Variants in DMXL2 observed in about 807,000 individuals in gnomAD.
The protein encoded by DMXL2 is dmX-like protein 2.
Under a neutral mutation model 331.1 loss-of-function variants are expected in DMXL2, and 103 were observed. The observed-to-expected ratio is 0.31, with a 90% CI of 0.27 to 0.37. DMXL2 has a LOEUF of 0.37. Ranked by LOEUF, DMXL2 falls within the 10% of genes least tolerant of loss-of-function variation. DMXL2 has a pLI of 1.00. For missense variants in DMXL2, 3,171 were observed against 3,642.9 expected, an observed-to-expected ratio of 0.87 and a Z score of 3.33; for synonymous variants, 1,281 against 1,252.1, an observed-to-expected ratio of 1.02 and a Z score of -0.49.
chr15:51,591,531 C>T (rs1189367104), intron 1 of DMXL2, among the ~76,000 whole-genome samples: 1 of 152,214 alleles, frequency 6.6e-6, no homozygotes, highest in Non-Finnish European at 1.5e-5. Context: ...CAAAAGGCAG[C>T]AGAACCCTCT....
rs1596261461 is a variant in DMXL2, at chr15:51,560,574, C to G, written c.567+2807G>C. On this transcript the variant is annotated intron_variant, in intron 6 of 43. Transcript: ENST00000560891. ...TACACACCTGTATTCCCAGCTGAGG[C>G]AGGAGGACTGCCTAAGCCCAGGAGG... 4.3e-5 allele frequency among the ~76,000 whole-genome samples: 6 copies of G among 139,194 alleles called. No individual in the cohort carries two copies. In the Admixed American group the frequency reaches 4.4e-4, roughly 10 times the overall value. 91.3% of individuals were successfully genotyped at this position (139,194 alleles called of 152,430 possible). A position where few individuals can be genotyped will look rare whatever the true frequency, so the allele number is the denominator to read the frequency against.
rs2140270902 is a variant in DMXL2, at chr15:51,464,884, G to A, written c.7607-8C>T. 1 of 1,600,928 alleles carries A rather than the reference G, an allele frequency of 6.2e-7. No individual in the cohort carries two copies. The highest frequency in any genetic ancestry group is 1.3e-5 in the African/African-American group (1 of 74,522). ...GTGATGTTACAGGCAGCTCTACAAG[G>A]TGACAGAATATGTTATTTATTTTAA... On this transcript the variant is annotated splice_region_variant and splice_polypyrimidine_tract_variant and intron_variant, in intron 31 of 43. Coordinates refer to ENST00000560891, the MANE Select transcript of DMXL2 (RefSeq NM_001378457.1).
chr15:51,550,231 T>C (rs971252389), intron 6 of DMXL2, among the ~76,000 whole-genome samples: 6 of 152,244 alleles, frequency 3.9e-5, no homozygotes, highest in African/African-American at 1.4e-4. Flanking sequence ...AGCATCCCTT[T>C]ATAATTAAAA....
intron 1 of DMXL2, among the ~76,000 whole-genome samples, chr15:51,610,592 C>A (rs1314167689): frequency 1.3e-5 from 2 of 152,002 alleles, no homozygotes; most frequent in Admixed American, 1.3e-4. Flanking sequence ...CATGGTGAAA[C>A]CCCGTCTCCA....
In DMXL2 at chr15:51,463,173, A is replaced by C. The variant is rs1306054300; in HGVS notation, c.7926+206T>G. 14 of 387,840 alleles carry C rather than the reference A, an allele frequency of 3.6e-5. No individual in the cohort carries two copies. In the East Asian group the frequency reaches 8.0e-4, roughly 22 times the overall value. The allele number at this position is 387,840 out of a possible 1,614,324, so 24.0% of individuals were successfully genotyped here. ...TACCAACTTTCACTTGAATATATGT[A>C]ATTTATCAAAGTACCTATGTTGTTT... On this transcript the variant is annotated intron_variant, in intron 33 of 43. Coordinates refer to ENST00000560891, the MANE Select transcript of DMXL2 (RefSeq NM_001378457.1).
Position 51,479,945 on chromosome 15 carries a change from T to C in DMXL2, c.6756+3A>G, listed in dbSNP as rs763087527. The C allele has an allele frequency of 6.7e-7, 1 of 1,491,118 alleles. No homozygotes were observed. Among genetic ancestry groups the C allele is most frequent in the Admixed American group, 2.0e-5 (1 of 49,958 alleles). The allele number at this position is 1,491,118 out of a possible 1,614,324, so 92.4% of individuals were successfully genotyped here. A position where few individuals can be genotyped will look rare whatever the true frequency, so the allele number is the denominator to read the frequency against. On this transcript the variant is annotated splice_donor_region_variant and intron_variant, in intron 25 of 43. Transcript: ENST00000560891. ...TATCAAATGATCATAAACTTTACAT[T>C]ACCTTCACATCTTCAATACTGGGAT...
chr15:51,457,577 G>T (rs1474212476), intron 36 of DMXL2, 111 bp from the exon 37 acceptor site: 8 of 1,300,190 alleles, frequency 6.2e-6, no homozygotes, highest in African/African-American at 1.5e-5. Flanking sequence ...TAAAAACTAA[G>T]TAGCCATGAG....
At chr15:51,531,587 C>T (rs1359443615) in intron 13 of DMXL2, among the ~76,000 whole-genome samples, 1 of 152,024 alleles carries the variant, frequency 6.6e-6, no homozygotes, top group African/African-American at 2.4e-5. Context: ...AAGAGACAAC[C>T]CACAGAATGA....
At chr15:51,530,100 A>G (rs1233778828) in intron 13 of DMXL2, among the ~76,000 whole-genome samples, 1 of 152,134 alleles carries the variant, frequency 6.6e-6, no homozygotes, top group Non-Finnish European at 1.5e-5. Flanking sequence ...TATAGAAGGA[A>G]CATACCTTCT....
rs2052885252 is a variant in DMXL2, at chr15:51,597,192, A to C, written c.88-21011T>G. 2.0e-5 allele frequency among the ~76,000 whole-genome samples: 3 copies of C among 152,208 alleles called. No homozygotes were observed. The South Asian group carries it at 6.2e-4, about 32-fold the overall frequency. On this transcript the variant is annotated intron_variant, in intron 1 of 43. Transcript: ENST00000560891. Reference sequence around the variant, plus strand: ...CCTAAAACATCCTCCACAAAGAATAAATTAAAGTGAGTACATGTGTAACCA... The same window carrying C: ...CCTAAAACATCCTCCACAAAGAATACATTAAAGTGAGTACATGTGTAACCA...
At chr15:51,460,040 C>G (rs574653126) in intron 33 of DMXL2, 1 of 966,214 alleles carries the variant, frequency 1.0e-6, no homozygotes, top group Non-Finnish European at 1.2e-6. Context: ...ATTTAAAATA[C>G]AAATTAAAAT....
chr15:51,590,295 T>C (rs910387553), intron 1 of DMXL2, among the ~76,000 whole-genome samples: 1 of 152,216 alleles, frequency 6.6e-6, no homozygotes, highest in Non-Finnish European at 1.5e-5. Context: ...AATGGCTTTA[T>C]GTACACAGAG....
chr15:51,538,183 G>A lies in DMXL2; in HGVS notation c.1345+30C>T, dbSNP rs776079903. ...ACCACAGAAAGCTGTTAACTTTGGA[G>A]TAAGTAAAATCTGAACACAGGATAC... On this transcript the variant is annotated intron_variant, in intron 10 of 43. Coordinates refer to ENST00000560891, the MANE Select transcript of DMXL2 (RefSeq NM_001378457.1). The A allele has an allele frequency of 2.5e-6, 4 of 1,583,992 alleles. No individual in the cohort carries two copies. In the East Asian group the frequency reaches 9.0e-5, roughly 36 times the overall value.
chr15:51,474,612 C>T lies in DMXL2; in HGVS notation c.6965-20G>A, dbSNP rs141108334. On this transcript the variant is annotated intron_variant, in intron 27 of 43. Transcript: ENST00000560891. The stretch of plus-strand genomic sequence containing the variant: ...TCACACCTATAAGGGTATATAAAAT[C>T]ATAAGACGTATGTCAGGATGAAGCA... 3.2e-3 allele frequency: 5,091 copies of T among 1,569,334 alleles called. 24 individuals are homozygous for T. The highest frequency in any genetic ancestry group is 3.9e-3 in the Non-Finnish European group (4,476 of 1,154,460).
intron 23 of DMXL2, among the ~76,000 whole-genome samples, chr15:51,485,621 A>G (rs2042337513): frequency 1.3e-5 from 2 of 152,232 alleles, no homozygotes; most frequent in African/African-American, 4.8e-5. Context: ...GTATTTAACT[A>G]TTCTATTGAC....
rs2050185313 is a variant in DMXL2, at chr15:51,565,057, T to G, written c.364+31A>C. On this transcript the variant is annotated intron_variant, in intron 4 of 43. Transcript: ENST00000560891. Reference sequence around the variant, plus strand: ...CATACATTTAAAACAAATATTTAATTTAAATAATTTTAAATACAATTGCTA... The same window carrying G: ...CATACATTTAAAACAAATATTTAATGTAAATAATTTTAAATACAATTGCTA... The G allele has an allele frequency of 9.8e-6, 12 of 1,225,288 alleles. No individual in the cohort carries two copies. In the East Asian group the frequency reaches 3.4e-4, roughly 34 times the overall value. The allele number at this position is 1,225,288 out of a possible 1,614,324, so 75.9% of individuals were successfully genotyped here.
Position 51,538,240 on chromosome 15 carries a change from G to A in DMXL2, c.1318C>T (p.Arg440Trp), listed in dbSNP as rs560768098. Residue 440 changes from arginine to tryptophan, a missense_variant, in exon 10 of 44, where the codon CGG becomes TGG. Physicochemically the swap from Arg to Trp is moderately radical, Grantham distance 101. This residue lies in a region of DMXL2 where 1,674 missense variants were observed against 1,780.2 expected (regional missense o/e 0.94). Coordinates refer to ENST00000560891, the MANE Select transcript of DMXL2 (RefSeq NM_001378457.1). The stretch of plus-strand genomic sequence containing the variant: ...TGGTCTAATTTCATATGTAAACCCC[G>A]TTCTCTATCCTCCTGTGAATGTTCC... ...DEEHSQEDRE[R>W]GLHMKLDHDL... 1.9e-5 allele frequency: 31 copies of A among 1,613,124 alleles called. No individual in the cohort carries two copies. In the South Asian group the frequency reaches 2.4e-4, roughly 13 times the overall value.
In DMXL2 at chr15:51,509,194, TA is replaced by T. The variant is rs796691689; in HGVS notation, c.2645-1942del. On this transcript the variant is annotated intron_variant, in intron 15 of 43. Coordinates refer to ENST00000560891, the MANE Select transcript of DMXL2 (RefSeq NM_001378457.1). ...AAGTAAGTAGTCAGAGAAACTTCTT[TA>T]AAAAAAAAAACTTGCTCTAGAACTG... is the stretch of plus-strand genomic sequence containing the variant. 8.3e-5 allele frequency among the ~76,000 whole-genome samples: 12 copies of T among 144,988 alleles called. 1 individual carries two copies. The highest frequency in any genetic ancestry group is 4.3e-4 in the South Asian group (2 of 4,640).
rs757972051 is a variant in DMXL2 at position 51,458,739 on chromosome 15, A to C, written c.8046T>G (p.Ser2682=). 1.9e-6 allele frequency: 3 copies of C among 1,613,956 alleles called. No individual in the cohort carries two copies. The highest frequency in any genetic ancestry group is 2.7e-5 in the African/African-American group (2 of 74,942). The change falls in exon 35 of 44, where the codon TCT becomes TCG. Residue 2682 remains serine, a synonymous_variant. Coordinates refer to ENST00000560891, the MANE Select transcript of DMXL2 (RefSeq NM_001378457.1). ...GGKAKVIHKE[S]DMIMAFSVNK... is the part of the protein sequence containing the mutation. ...TAACAGAAAATGCCATGATCATATCAGATTCCTTATGGATGACTTTCGCCT... is the reference window on the plus strand; with the variant it reads ...TAACAGAAAATGCCATGATCATATCCGATTCCTTATGGATGACTTTCGCCT...
Sources: allele counts gnomAD v4.1 joint callset (sites outside exome capture counted in the v4.1 genomes callset), GRCh38; gene constraint gnomAD v4.1.1; regional missense constraint gnomAD v4.1.1; transcripts MANE v1.5; gene names NCBI Gene and HGNC (gene_info 2026-07-23, HGNC 2026-07-21).